Variants in GALNT13 observed in about 807,000 individuals in gnomAD.
GALNT13 encodes the protein UDP-GalNAc:polypeptide N-acetylgalactosaminyltransferase 13.
In GALNT13, 28 loss-of-function variants were observed where a neutral mutation model predicts 64.2. That is an observed-to-expected ratio of 0.44 (90% CI 0.32 to 0.60). The LOEUF (loss-of-function observed/expected upper bound fraction) is 0.60. GALNT13 is among the 20% of genes least tolerant of loss of function. GALNT13 has a pLI of 0.05. For synonymous variants in GALNT13, 214 were observed against 224.6 expected, an observed-to-expected ratio of 0.95 and a Z score of 0.42; for missense variants, 577 against 669.8, an observed-to-expected ratio of 0.86 and a Z score of 1.53.
At chr2:153,978,029 A>G (rs1694194927) in intron 3 of GALNT13, among the ~76,000 whole-genome samples, 1 of 152,176 alleles carries the variant, frequency 6.6e-6, no homozygotes, top group African/African-American at 2.4e-5. Context: ...GCTATCACCT[A>G]GAAAAATAGA....
intron 3 of GALNT13, among the ~76,000 whole-genome samples, chr2:154,032,208 A>G (rs1574376838): frequency 6.6e-6 from 1 of 152,196 alleles, no homozygotes; most frequent in Non-Finnish European, 1.5e-5. Flanking sequence ...GCATTAAAAT[A>G]TAATAAACCT....
the GALNT13 span, among the ~76,000 whole-genome samples, chr2:153,690,183 A>C: frequency 1.3e-5 from 2 of 152,072 alleles, no homozygotes; most frequent in African/African-American, 2.4e-5. Flanking sequence ...TCAAATTTTC[A>C]CATAGTTCCT....
At chr2:153,531,213 T>C in the GALNT13 span, among the ~76,000 whole-genome samples, 2 of 152,186 alleles carry the variant, frequency 1.3e-5, no homozygotes, top group East Asian at 1.9e-4. Context: ...AGAGATTTAA[T>C]TGGCTCACAG....
intron 3 of GALNT13, among the ~76,000 whole-genome samples, chr2:154,108,877 T>G (rs1306405402): frequency 6.6e-6 from 1 of 152,126 alleles, no homozygotes; most frequent in African/African-American, 2.4e-5. Flanking sequence ...CTTGGCATGT[T>G]TATTGAAAGG....
the GALNT13 span, among the ~76,000 whole-genome samples, chr2:153,573,728 T>G: frequency 6.6e-6 from 1 of 152,084 alleles, no homozygotes; most frequent in Admixed American, 6.6e-5. Context: ...CTATAAAAAC[T>G]ATATGCCTTA....
chr2:153,383,357 C>T, the GALNT13 span, among the ~76,000 whole-genome samples: 2 of 151,998 alleles, frequency 1.3e-5, no homozygotes, highest in East Asian at 1.9e-4. Context: ...CTTACAGACA[C>T]ATGTAATGGA....
the GALNT13 span, among the ~76,000 whole-genome samples, chr2:153,246,432 A>G: frequency 6.6e-6 from 1 of 152,230 alleles, no homozygotes; most frequent in Non-Finnish European, 1.5e-5. Context: ...GAAGCCCATC[A>G]CACTAACAGT....
the GALNT13 span, among the ~76,000 whole-genome samples, chr2:153,179,845 T>C: frequency 6.6e-6 from 1 of 152,128 alleles, no homozygotes; most frequent in Non-Finnish European, 1.5e-5. Context: ...TTATTGTTAG[T>C]GTATAGAAAT....
chr2:153,564,598 T>C, the GALNT13 span, among the ~76,000 whole-genome samples: 1 of 151,972 alleles, frequency 6.6e-6, no homozygotes, highest in Admixed American at 6.5e-5. Context: ...GGATTAGTTT[T>C]TTTTTTTTTT....
the GALNT13 span, among the ~76,000 whole-genome samples, chr2:153,474,937 T>C: frequency 2.6e-5 from 4 of 152,254 alleles, no homozygotes; most frequent in Non-Finnish European, 5.9e-5. Flanking sequence ...ATTGTTTTCT[T>C]AGGTGAAACA....
the GALNT13 span, among the ~76,000 whole-genome samples, chr2:153,345,666 T>TCTTC: frequency 2.6e-4 from 37 of 143,138 alleles, no homozygotes; most frequent in African/African-American, 8.7e-4. Context: ...TTTCTTTCTT[T>TCTTC]CTTTCTTTCT....
At chr2:153,220,818 C>T in the GALNT13 span, among the ~76,000 whole-genome samples, 1 of 152,088 alleles carries the variant, frequency 6.6e-6, no homozygotes, top group Admixed American at 6.5e-5. Context: ...AAATAGAAAA[C>T]AATATCAAAC....
the GALNT13 span, among the ~76,000 whole-genome samples, chr2:153,445,412 C>T: frequency 4.6e-5 from 7 of 152,080 alleles, no homozygotes; most frequent in Non-Finnish European, 8.8e-5. Context: ...TAGTCTCACT[C>T]TGTCACCCAG....
chr2:153,954,235 T>C (rs1692408524), intron 3 of GALNT13, among the ~76,000 whole-genome samples: 1 of 152,110 alleles, frequency 6.6e-6, no homozygotes, highest in Non-Finnish European at 1.5e-5. Context: ...TTTTGCAAGA[T>C]AGGTAGAGGG....
chr2:153,932,450 A>G (rs1202170765), intron 2 of GALNT13, among the ~76,000 whole-genome samples: 2 of 151,852 alleles, frequency 1.3e-5, no homozygotes, highest in African/African-American at 4.8e-5. Flanking sequence ...TGCTTTAGCT[A>G]TGTCCCAGAG....
the GALNT13 span, among the ~76,000 whole-genome samples, chr2:153,082,573 T>TTA: frequency 5.4e-3 from 218 of 40,530 alleles, 4 homozygotes; most frequent in Non-Finnish European, 6.2e-3. Context: ...TTAGGCTGGT[T>TTA]TATATATATA....
At chr2:153,194,987 A>G in the GALNT13 span, among the ~76,000 whole-genome samples, 1 of 152,110 alleles carries the variant, frequency 6.6e-6, no homozygotes, top group African/African-American at 2.4e-5. Context: ...GTGTCTTTAT[A>G]TTTGGAGCCC....
chr2:154,454,641 G>T (rs1702005129), downstream of GALNT13: 1 of 151,548 alleles, frequency 6.6e-6, no homozygotes, highest in South Asian at 2.1e-4. Context: ...TCAGCCTCAA[G>T]ACTGTCTCAA....
At chr2:154,055,163 A>C (rs1461758880) in intron 3 of GALNT13, among the ~76,000 whole-genome samples, 7 of 152,106 alleles carry the variant, frequency 4.6e-5, no homozygotes, top group Admixed American at 4.6e-4. Context: ...TTATTTTGCT[A>C]TGTTGCCTGT....
Sources: gnomAD v4.1 joint callset for allele counts (sites outside exome capture counted in the v4.1 genomes callset) on GRCh38, gnomAD v4.1.1 for gene constraint, MANE v1.5 for transcripts, NCBI Gene and HGNC (gene_info 2026-07-23, HGNC 2026-07-21) for gene names.